Variants in LDB1 observed in about 807,000 individuals in gnomAD.
LDB1 encodes the protein LIM domain binding 1.
Under a neutral mutation model 49.7 loss-of-function variants are expected in LDB1, and 6 were observed. The observed-to-expected ratio is 0.12, with a 90% CI of 0.07 to 0.24. LDB1 has a LOEUF of 0.24. Among genes scored for constraint, LDB1 ranks in the 10% least tolerant of loss-of-function variants. The pLI is 1.00. For missense variants in LDB1, 341 were observed against 561.7 expected (o/e 0.61, Z 3.97); for synonymous variants, 233 against 202.0 (o/e 1.15, Z -1.30).
intron 1 of LDB1, among the ~76,000 whole-genome samples, chr10:102,118,254 G>T (rs1302963071): frequency 1.3e-5 from 2 of 152,096 alleles, no homozygotes; most frequent in African/African-American, 4.8e-5. Context: ...GGTTCTCCTT[G>T]AAGTCTAACC....
chr10:102,114,812 G>GGGCCGCCCCCCCCCCCCC, intron 1 of LDB1: 2 of 929,818 alleles, frequency 2.2e-6, no homozygotes, highest in Non-Finnish European at 2.6e-6. Context: ...CCTCCGAGCA[G>GGGCCGCCCCCCCCCCCCC]CCCGCCCGCC....
downstream of LDB1, among the ~76,000 whole-genome samples, chr10:102,103,895 C>G (rs908414414): frequency 4.0e-5 from 6 of 151,894 alleles, no homozygotes; most frequent in African/African-American, 9.7e-5. Context: ...AACCACGTCG[C>G]TACTAAAAAT....
Position 102,117,084 on chromosome 10 carries a change from C to G in LDB1, c.25+3002G>C, listed in dbSNP as rs1371170151. On this transcript the variant is annotated intron_variant, in intron 1 of 10. Transcript: ENST00000673968. The surrounding 1 kb of genome is among the most constrained non-coding windows in gnomAD (Gnocchi z 4.2). Reference sequence around the variant, plus strand: ...GCCAAGCCCTGCAGCCATTCCTACTCCCTTCCCCCTCCAGGCCTCAAATCA... The same window carrying G: ...GCCAAGCCCTGCAGCCATTCCTACTGCCTTCCCCCTCCAGGCCTCAAATCA... 6.6e-6 allele frequency among the ~76,000 whole-genome samples: 1 copy of G among 152,190 alleles called. No homozygotes were observed. Among genetic ancestry groups the G allele is most frequent in the Non-Finnish European group, 1.5e-5 (1 of 68,040 alleles).
intron 6 of LDB1, 147 bp downstream of exon 6, chr10:102,110,382 T>C (rs1260553082): frequency 1.3e-6 from 1 of 778,990 alleles, no homozygotes; most frequent in Non-Finnish European, 2.0e-6. Context: ...ACATGTTTGC[T>C]GACGGTTGCA....
At position 102,107,904 on chromosome 10, in the gene LDB1, G is replaced by A. The variant is rs372243555; in HGVS notation, c.*189C>T. 1 of 628,176 alleles carries A rather than the reference G, an allele frequency of 1.6e-6. No homozygotes were observed. The highest frequency in any genetic ancestry group is 1.8e-5 in the African/African-American group (1 of 54,632). 38.9% of individuals were successfully genotyped at this position (628,176 alleles called of 1,614,324 possible). ...CCCCTAAAAGGCTCTGTAGAGGCCA[G>A]GCCCAGCCCAGGGCCACTGGGGGGG... is the stretch of plus-strand genomic sequence containing the variant. On this transcript the variant is annotated 3_prime_UTR_variant, in exon 11 of 11. Transcript: ENST00000673968.
In LDB1 at chr10:102,109,493, G is replaced by C; in HGVS notation, c.747C>G (p.Leu249=). 1 of 1,614,130 alleles carries C rather than the reference G, an allele frequency of 6.2e-7. No individual in the cohort carries two copies. Among genetic ancestry groups the C allele is most frequent in the Non-Finnish European group, 8.5e-7 (1 of 1,180,014 alleles). The change falls in exon 9 of 11, where the codon CTC becomes CTG. Residue 249 remains leucine (L), a synonymous_variant. Transcript: ENST00000673968. The surrounding 1 kb of genome is among the most constrained non-coding windows in gnomAD (Gnocchi z 5.8). ...GTGACATGAGCTCTTGCATGGGCTC[G>C]AGTATCACACAGAGCTAGGGGTAGA... The part of the protein sequence containing the change: ...TLNYLRLCVI[L]EPMQELMSRH...
Position 102,109,155 on chromosome 10 carries a change from G to T in LDB1, c.879C>A (p.Pro293=). 1 of 1,613,932 alleles carries T rather than the reference G, an allele frequency of 6.2e-7. No homozygotes were observed. The highest frequency in any genetic ancestry group is 2.2e-5 in the East Asian group (1 of 44,892). The change falls in exon 10 of 11, where the codon CCC becomes CCA. Residue 293 remains proline (P), a synonymous_variant. Coordinates refer to ENST00000673968, the MANE Select transcript of LDB1 (RefSeq NM_001113407.3). The surrounding 1 kb of genome is among the most constrained non-coding windows in gnomAD (Gnocchi z 5.8). ...ACATCTTCCGTTTCCGCCGTTTGCT[G>T]GGCTGCTGACGTGTGGGCTCCGCTG... is the stretch of plus-strand genomic sequence containing the variant. ...APPAEPTRQQ[P]SKRRKRKMSG... is the part of the protein sequence containing the mutation.
chr10:102,108,294 C>G lies in LDB1; in HGVS notation c.1035G>C (p.Leu345=), dbSNP rs1448667222. 2.5e-6 allele frequency: 4 copies of G among 1,613,974 alleles called. No homozygotes were observed. The highest frequency in any genetic ancestry group is 3.4e-6 in the Non-Finnish European group (4 of 1,179,872). Residue 345 remains leucine, a synonymous_variant, in exon 11 of 11, where the codon CTG becomes CTC. Transcript: ENST00000673968. Reference sequence around the variant, plus strand: ...CCTCGTCCCCGAACTCCCCGCCCATCAGGGTGGGCTCCCCCACCACCATCA... The same window carrying G: ...CCTCGTCCCCGAACTCCCCGCCCATGAGGGTGGGCTCCCCCACCACCATCA... ...PDVMVVGEPT[L]MGGEFGDEDE...
chr10:102,114,260 T>C, intron 1 of LDB1: 1 of 861,888 alleles, frequency 1.2e-6, no homozygotes, highest in Non-Finnish European at 1.4e-6. Flanking sequence ...GCCTCCTCCC[T>C]TTAGGGACTG....
At chr10:102,119,408 TCA>T (rs2068379158) in intron 1 of LDB1, among the ~76,000 whole-genome samples, 1 of 151,830 alleles carries the variant, frequency 6.6e-6, no homozygotes, top group South Asian at 2.1e-4. Context: ...TCTCAAGTTC[TCA>T]GTTTTGGGTC....
At chr10:102,104,637 G>A (rs1269364921), downstream of LDB1, among the ~76,000 whole-genome samples, 2 of 152,136 alleles carry the variant, frequency 1.3e-5, no homozygotes, top group African/African-American at 4.8e-5. Flanking sequence ...TCAATAGTGT[G>A]TTTTCCTGCT....
chr10:102,109,439 G>A lies in LDB1; in HGVS notation c.801C>T (p.Arg267=), dbSNP rs766934034. ...GGAAAAGGCAGGTCTTGAGGCAGTC[G>A]CGGGGGCTGAGGCTGTAGGTCTTGT... The part of the protein sequence containing the change: ...SRHKTYSLSP[R]DCLKTCLFQK... Residue 267 remains arginine (R), a synonymous_variant, in exon 9 of 11, where the codon CGC becomes CGT. Coordinates refer to ENST00000673968, the MANE Select transcript of LDB1 (RefSeq NM_001113407.3). This position sits in a 1 kb window ranked among gnomAD's most constrained non-coding sequence, Gnocchi z 5.8. 1.5e-5 allele frequency: 25 copies of A among 1,614,086 alleles called. No individual in the cohort carries two copies. The highest frequency in any genetic ancestry group is 1.6e-4 in the Middle Eastern group (1 of 6,084).
intron 1 of LDB1, among the ~76,000 whole-genome samples, chr10:102,111,900 C>T (rs369426547): frequency 6.6e-6 from 1 of 152,134 alleles, no homozygotes; most frequent in African/African-American, 2.4e-5. Context: ...GTCCGATAAT[C>T]CTGCTAGACT....
In LDB1 at chr10:102,107,994, C is replaced by T. The variant is rs2068191292; in HGVS notation, c.*99G>A. 5.1e-6 allele frequency: 5 copies of T among 976,078 alleles called. No homozygotes were observed. The East Asian group carries it at 9.5e-5, about 19-fold the overall frequency. The allele number at this position is 976,078 out of a possible 1,614,324, so 60.5% of individuals were successfully genotyped here. The stretch of plus-strand genomic sequence containing the variant: ...CTGAAGCGGGTGGATGGAGGCTGCC[C>T]ATTTTAGATGCTCAGTCTCTTCATT... On this transcript the variant is annotated 3_prime_UTR_variant, in exon 11 of 11. Coordinates refer to ENST00000673968, the MANE Select transcript of LDB1 (RefSeq NM_001113407.3).
downstream of LDB1, among the ~76,000 whole-genome samples, chr10:102,103,724 G>C (rs556342348): frequency 1.8e-4 from 27 of 152,136 alleles, no homozygotes. Flanking sequence ...TGAGGCAGGA[G>C]AATCACTTGA....
intron 1 of LDB1, among the ~76,000 whole-genome samples, chr10:102,112,891 G>A (rs755532398): frequency 1.5e-4 from 23 of 152,260 alleles, no homozygotes; most frequent in Non-Finnish European, 2.6e-4. Flanking sequence ...TTTTCTGACT[G>A]GAAAAAGTGT....
chr10:102,103,114 C>T (rs1309240436), downstream of LDB1, among the ~76,000 whole-genome samples: 1 of 152,200 alleles, frequency 6.6e-6, no homozygotes, highest in African/African-American at 2.4e-5. Context: ...ACTGCAACCT[C>T]TGCCTCCCAG....
upstream of LDB1, among the ~76,000 whole-genome samples, chr10:102,121,313 A>G (rs1235310958): frequency 1.3e-5 from 2 of 150,506 alleles, no homozygotes; most frequent in Non-Finnish European, 1.5e-5. Flanking sequence ...ACCGCCTCCG[A>G]CCCCCCTGCC....
intron 1 of LDB1, 127 bp downstream of exon 1, chr10:102,119,959 C>T (rs1422747568): frequency 2.2e-5 from 14 of 645,798 alleles, no homozygotes; most frequent in African/African-American, 3.9e-5. Flanking sequence ...CCCCGCGTAG[C>T]CCTTCCAGCC....
Sources: gnomAD v4.1 joint callset for allele counts (sites outside exome capture counted in the v4.1 genomes callset) on GRCh38, gnomAD v4.1.1 for gene constraint, Gnocchi (gnomAD v3.1) non-coding constraint, MANE v1.5 for transcripts, NCBI Gene and HGNC (gene_info 2026-07-23, HGNC 2026-07-21) for gene names.